RSRC2: variants seen among roughly 807,000 people sequenced by gnomAD.
The protein encoded by RSRC2 is arginine and serine rich coiled-coil 2.
In RSRC2, 5 loss-of-function variants were observed where a neutral mutation model predicts 61.3. The observed-to-expected ratio is 0.08, with a 90% CI of 0.04 to 0.17. RSRC2 has a LOEUF of 0.17. RSRC2 is among the 10% of genes least tolerant of loss of function. RSRC2 has a pLI of 1.00. For synonymous variants in RSRC2, 202 were observed against 166.5 expected (o/e 1.21, Z -1.64); for missense variants, 381 against 518.8 (o/e 0.73, Z 2.58).
chr12:122,510,921 GA>G (rs10709275), intron 7 of RSRC2, among the ~76,000 whole-genome samples, 187 bp downstream of exon 7: 119,149 of 151,876 alleles, frequency 0.78, 47,240 homozygotes, highest in African/African-American at 0.89. Flanking sequence ...GGTGATGTGG[GA>G]CCTGCAGTCC....
chr12:122,516,652 T>C (rs957778166), intron 5 of RSRC2, among the ~76,000 whole-genome samples: 17 of 152,178 alleles, frequency 1.1e-4, no homozygotes, highest in African/African-American at 2.9e-4. Flanking sequence ...TTTTAGTTAT[T>C]TGTGATAATA....
At chr12:122,521,331 CCAGA>C in intron 3 of RSRC2, 50 bp downstream of exon 3, 1 of 1,363,160 alleles carries the variant, frequency 7.3e-7, no homozygotes. Context: ...AATCTTTCTA[CCAGA>C]CACTTTATAA....
Position 122,521,365 on chromosome 12 carries a change from C to A in RSRC2, c.207+20G>T. 1.3e-6 allele frequency: 2 copies of A among 1,586,494 alleles called. No individual in the cohort carries two copies. Among genetic ancestry groups the A allele is most frequent in the Non-Finnish European group, 1.7e-6 (2 of 1,156,078 alleles). On this transcript the variant is annotated intron_variant, in intron 3 of 9. Transcript: ENST00000331738. ...TTATAAGTATTTTAAAGTACCTATT[C>A]ACTACAAAGTGTTAATTACCTCTTT...
At chr12:122,508,641 T>C (rs1376386542) in intron 7 of RSRC2, among the ~76,000 whole-genome samples, 194 bp from the exon 8 acceptor site, 1 of 152,140 alleles carries the variant, frequency 6.6e-6, no homozygotes, top group Non-Finnish European at 1.5e-5. Context: ...ACGGACATAT[T>C]TCTACATAAA....
chr12:122,520,880 C>A, intron 3 of RSRC2: 1 of 257,830 alleles, frequency 3.9e-6, no homozygotes, highest in Non-Finnish European at 7.8e-6. Flanking sequence ...GTGTCACCGC[C>A]ACCTTTTCAG....
At chr12:122,505,841 C>T (rs907158501) in intron 9 of RSRC2, 135 bp from the exon 10 acceptor site, 2 of 682,386 alleles carry the variant, frequency 2.9e-6, no homozygotes, top group Non-Finnish European at 4.7e-6. Context: ...TGCAGTGGTG[C>T]CATCTCGGCT....
chr12:122,508,918 T>A (rs1426958911), intron 7 of RSRC2, among the ~76,000 whole-genome samples: 2 of 151,752 alleles, frequency 1.3e-5, no homozygotes, highest in Non-Finnish European at 2.9e-5. Flanking sequence ...ATCATGCCAC[T>A]GCACTCCAGC....
chr12:122,511,267 C>CAG, intron 6 of RSRC2, 79 bp from the exon 7 acceptor site: 3 of 1,009,408 alleles, frequency 3.0e-6, no homozygotes, highest in Non-Finnish European at 4.3e-6. Flanking sequence ...TGTGCATGTA[C>CAG]AGAGACAAGC....
intron 8 of RSRC2, chr12:122,507,856 G>C (rs1471942928): frequency 3.7e-6 from 1 of 268,218 alleles, no homozygotes; most frequent in Admixed American, 4.8e-5. Context: ...TGGCTAAGTG[G>C]CATGATCTTG....
intron 5 of RSRC2, among the ~76,000 whole-genome samples, chr12:122,517,006 C>T (rs1195479786): frequency 3.9e-5 from 6 of 152,204 alleles, no homozygotes; most frequent in South Asian, 2.1e-4. Context: ...TAGGCCTATT[C>T]ATACCTGCAC....
At chr12:122,525,749 T>C (rs1010712498) in intron 1 of RSRC2, among the ~76,000 whole-genome samples, 4 of 152,158 alleles carry the variant, frequency 2.6e-5, no homozygotes, top group Non-Finnish European at 5.9e-5. Flanking sequence ...CGCAGGCTTA[T>C]TGTTCAGAAT....
intron 5 of RSRC2, among the ~76,000 whole-genome samples, chr12:122,516,713 G>A (rs1395904293): frequency 2.0e-5 from 3 of 152,188 alleles, no homozygotes; most frequent in South Asian, 2.1e-4. Flanking sequence ...TGTTTGTTAC[G>A]ACAGGATTCA....
chr12:122,507,642 T>C (rs1958200084), intron 8 of RSRC2, among the ~76,000 whole-genome samples: 1 of 152,082 alleles, frequency 6.6e-6, no homozygotes, highest in South Asian at 2.1e-4. Context: ...TATTAATAAC[T>C]GGCAAATAAG....
At chr12:122,519,544 T>A (rs1404518499) in intron 3 of RSRC2, 1 of 155,166 alleles carries the variant, frequency 6.4e-6, no homozygotes, top group Admixed American at 6.3e-5. Context: ...ACAGTTATAC[T>A]GCCTGCTACA....
intron 5 of RSRC2, among the ~76,000 whole-genome samples, 166 bp from the exon 6 acceptor site, chr12:122,515,393 C>T (rs183355972): frequency 6.6e-6 from 1 of 152,112 alleles, no homozygotes; most frequent in African/African-American, 2.4e-5. Flanking sequence ...TTGGAAATAA[C>T]ATTTGTTTCC....
At chr12:122,516,019 C>T (rs1306684245) in intron 5 of RSRC2, among the ~76,000 whole-genome samples, 1 of 151,382 alleles carries the variant, frequency 6.6e-6, no homozygotes, top group African/African-American at 2.4e-5. Context: ...ATGTCAGTGA[C>T]CAAAAAAGCA....
chr12:122,523,931 T>C (rs1362554793), intron 1 of RSRC2, among the ~76,000 whole-genome samples: 1 of 152,160 alleles, frequency 6.6e-6, no homozygotes. Context: ...ATGAAAGACA[T>C]AAATTACGTG....
chr12:122,504,160 T>G lies in RSRC2; in HGVS notation c.*1367A>C, dbSNP rs371757933. 6.6e-4 allele frequency: 100 copies of G among 152,326 alleles called. 1 individual carries two copies. Among genetic ancestry groups the G allele is most frequent in the African/African-American group, 2.4e-3 (98 of 41,568 alleles). 9.4% of individuals were successfully genotyped at this position (152,326 alleles called of 1,614,324 possible). A position where few individuals can be genotyped will look rare whatever the true frequency, so the allele number is the denominator to read the frequency against. On this transcript the variant is annotated 3_prime_UTR_variant, in exon 10 of 10. Coordinates refer to ENST00000331738, the MANE Select transcript of RSRC2 (RefSeq NM_023012.6). ...AGCTTTTAAAATAAGGCTGTCAATCTTATTCCTGTAGTCTTCCCTGATTGT... is the reference window on the plus strand; with the variant it reads ...AGCTTTTAAAATAAGGCTGTCAATCGTATTCCTGTAGTCTTCCCTGATTGT...
chr12:122,526,711 A>G, intron 1 of RSRC2, 137 bp downstream of exon 1: 1 of 929,192 alleles, frequency 1.1e-6, no homozygotes, highest in Non-Finnish European at 1.7e-6. Flanking sequence ...GGCAGCCATG[A>G]TGGCGGGCGC....
Sources: allele counts gnomAD v4.1 joint callset (sites outside exome capture counted in the v4.1 genomes callset), GRCh38; gene constraint gnomAD v4.1.1; transcripts MANE v1.5; gene names NCBI Gene and HGNC (gene_info 2026-07-23, HGNC 2026-07-21).